EHBP1: variants seen among roughly 807,000 people sequenced by gnomAD.
EHBP1 encodes the protein EH domain binding protein 1, also known as EH domain-binding protein 1.
EHBP1 carries 55 observed loss-of-function variants against 144.0 expected under a neutral mutation model. The observed-to-expected ratio is 0.38, with a 90% confidence interval of 0.31 to 0.48. The LOEUF (loss-of-function observed/expected upper bound fraction) is 0.48, where lower values mean the gene tolerates loss of function less well. Ranked by LOEUF, EHBP1 falls within the 20% of genes least tolerant of loss-of-function variation. EHBP1 has a pLI of 0.98. For synonymous variants in EHBP1, 469 were observed against 472.7 expected (o/e 0.99, Z 0.10); for missense variants, 1,200 against 1,364.2 (o/e 0.88, Z 1.90).
intron 4 of EHBP1, among the ~76,000 whole-genome samples, chr2:62,765,620 C>G (rs2041116846): frequency 6.6e-6 from 1 of 152,116 alleles, no homozygotes. Flanking sequence ...TTTTTCTGCT[C>G]TGTTAAATGG....
intron 4 of EHBP1, among the ~76,000 whole-genome samples, chr2:62,767,487 A>G (rs560051102): frequency 5.9e-5 from 9 of 151,974 alleles, no homozygotes; most frequent in Admixed American, 3.9e-4. Flanking sequence ...GCTTGAGCCA[A>G]GGAGTTCAAG....
At chr2:63,019,754 A>AGGAGG (rs1319204349) in intron 19 of EHBP1, among the ~76,000 whole-genome samples, 3 of 115,534 alleles carry the variant, frequency 2.6e-5, no homozygotes, top group African/African-American at 6.5e-5. Flanking sequence ...GGGAGGGAAG[A>AGGAGG]GGAGGGGAGG....
chr2:62,806,951 C>A (rs2044554910), intron 5 of EHBP1, among the ~76,000 whole-genome samples: 1 of 152,144 alleles, frequency 6.6e-6, no homozygotes, highest in Non-Finnish European at 1.5e-5. Flanking sequence ...AGTCACCCCT[C>A]AGTATCTGCA....
chr2:63,034,297 T>C (rs1296417460), intron 19 of EHBP1, among the ~76,000 whole-genome samples: 1 of 152,070 alleles, frequency 6.6e-6, no homozygotes, highest in Non-Finnish European at 1.5e-5. Flanking sequence ...TAGTATGTTA[T>C]TTTGTCATTT....
chr2:62,972,932 A>AG (rs1336866763), intron 14 of EHBP1, among the ~76,000 whole-genome samples: 1 of 152,234 alleles, frequency 6.6e-6, no homozygotes, highest in Non-Finnish European at 1.5e-5. Context: ...AAGTCCCATT[A>AG]GGGCTACATT....
chr2:62,940,107 A>G (rs1017196438), intron 10 of EHBP1: 3 of 426,892 alleles, frequency 7.0e-6, no homozygotes, highest in Admixed American at 5.0e-5. Flanking sequence ...GCCTACCAAG[A>G]CTTTGAGAAT....
intron 6 of EHBP1, among the ~76,000 whole-genome samples, chr2:62,829,705 T>C (rs941769449): frequency 8.2e-5 from 12 of 146,882 alleles, no homozygotes; most frequent in Admixed American, 2.7e-4. Context: ...TAATATATAA[T>C]AATATATAAA....
At chr2:62,867,415 C>G (rs1405595881) in intron 9 of EHBP1, among the ~76,000 whole-genome samples, 1 of 151,916 alleles carries the variant, frequency 6.6e-6, no homozygotes. Context: ...TATATAAATT[C>G]AATTGTGTTT....
chr2:62,685,720 C>T (rs958192527), intron 1 of EHBP1, among the ~76,000 whole-genome samples: 1 of 152,086 alleles, frequency 6.6e-6, no homozygotes, highest in Non-Finnish European at 1.5e-5. Flanking sequence ...AGCTTATAAG[C>T]GGCAGCACCT....
intron 10 of EHBP1, among the ~76,000 whole-genome samples, chr2:62,936,236 T>C (rs1312374552): frequency 1.3e-5 from 2 of 152,166 alleles, no homozygotes; most frequent in Non-Finnish European, 2.9e-5. Flanking sequence ...ACTGGAATAT[T>C]CTTTGTGAGA....
chr2:62,817,196 C>T (rs568204361), intron 5 of EHBP1, among the ~76,000 whole-genome samples: 1 of 152,098 alleles, frequency 6.6e-6, no homozygotes, highest in African/African-American at 2.4e-5. Flanking sequence ...TGCATATTTG[C>T]TCATGTAAGT....
intron 14 of EHBP1, among the ~76,000 whole-genome samples, chr2:62,977,017 C>T (rs113419045): frequency 6.0e-4 from 91 of 151,984 alleles, no homozygotes; most frequent in African/African-American, 2.0e-3. Flanking sequence ...TTCCCATTGC[C>T]ACTGTCTTAG....
chr2:62,749,585 A>G (rs2039480814), intron 3 of EHBP1, among the ~76,000 whole-genome samples: 1 of 152,236 alleles, frequency 6.6e-6, no homozygotes, highest in Admixed American at 6.5e-5. Context: ...TGGTTGAACT[A>G]GTTTACAGTC....
intron 10 of EHBP1, among the ~76,000 whole-genome samples, chr2:62,882,213 G>C (rs889593402): frequency 6.6e-6 from 1 of 152,160 alleles, no homozygotes; most frequent in African/African-American, 2.4e-5. Context: ...TCCTCATTCA[G>C]CCATTCCATA....
rs145140505 is a variant in EHBP1 at position 62,686,488 on chromosome 2, A to C, written c.-296+12405A>C. On this transcript the variant is annotated intron_variant, in intron 1 of 22. Coordinates refer to the EHBP1 transcript ENST00000405015. ...ATCGCTGAAGCTCTAAAGATAGGGC[A>C]CTGAACCCACTAAATGATGAATACA... 3.2e-4 allele frequency among the ~76,000 whole-genome samples: 48 copies of C among 152,308 alleles called. 1 individual carries two copies. The East Asian group carries it at 6.9e-3, about 22-fold the overall frequency.
chr2:62,768,964 TC>T lies in EHBP1; in HGVS notation c.259-2372del, dbSNP rs762780089. Reference sequence around the variant, plus strand: ...AAAAGGCTTTTGATAAAATTCAACATCCCTTTGTGTTAAAGACTCTCAAAAC... The same window carrying T: ...AAAAGGCTTTTGATAAAATTCAACATCCTTTGTGTTAAAGACTCTCAAAAC... On this transcript the variant is annotated intron_variant, in intron 4 of 22. Coordinates refer to ENST00000431489, the MANE Select transcript of EHBP1 (RefSeq NM_001142616.3). 7.9e-5 allele frequency among the ~76,000 whole-genome samples: 12 copies of T among 152,260 alleles called. No individual in the cohort carries two copies. In the East Asian group the frequency reaches 2.1e-3, roughly 27 times the overall value.
intron 10 of EHBP1, among the ~76,000 whole-genome samples, chr2:62,899,875 T>C (rs2053252563): frequency 6.6e-6 from 1 of 152,218 alleles, no homozygotes; most frequent in Admixed American, 6.6e-5. Context: ...CACTGAAATA[T>C]GCACAGTTTA....
At chr2:62,855,423 A>G (rs2048972247) in intron 7 of EHBP1, among the ~76,000 whole-genome samples, 1 of 152,090 alleles carries the variant, frequency 6.6e-6, no homozygotes, top group African/African-American at 2.4e-5. Flanking sequence ...CCTACACCCT[A>G]GGCACCATGA....
rs553667771 is a variant in EHBP1 at position 62,875,935 on chromosome 2, G to GA, written c.1185+1412dup. Among the ~76,000 whole-genome samples the GA allele has an allele frequency of 4.0e-4, 60 of 150,100 alleles. No individual in the cohort carries two copies. The East Asian group carries it at 8.9e-3, about 22-fold the overall frequency. On this transcript the variant is annotated intron_variant, in intron 10 of 22. Coordinates refer to ENST00000431489, the MANE Select transcript of EHBP1 (RefSeq NM_001142616.3). ...AACAGCTCAGTCAGACAAAAATACAGAAAAAAAAAGAATGAACTAACAAAT... is the reference window on the plus strand; with the variant it reads ...AACAGCTCAGTCAGACAAAAATACAGAAAAAAAAAAGAATGAACTAACAAAT...
Sources: gnomAD v4.1 joint callset for allele counts (sites outside exome capture counted in the v4.1 genomes callset) on GRCh38, gnomAD v4.1.1 for gene constraint, MANE v1.5 for transcripts, NCBI Gene and HGNC (gene_info 2026-07-23, HGNC 2026-07-21) for gene names.